Variants in GRM7 observed in about 807,000 individuals in gnomAD.
GRM7 encodes the protein glutamate metabotropic receptor 7.
GRM7 carries 35 observed loss-of-function variants against 84.5 expected under a neutral mutation model. That is an observed-to-expected ratio of 0.41 (90% CI 0.32 to 0.55). The LOEUF (loss-of-function observed/expected upper bound fraction) is 0.55. Ranked by LOEUF, GRM7 falls within the 20% of genes least tolerant of loss-of-function variation. The pLI is 0.19. For synonymous variants in GRM7, 487 were observed against 455.1 expected (o/e 1.07, Z -0.89); for missense variants, 1,003 against 1,194.6 (o/e 0.84, Z 2.36).
rs1468675439 is a variant in GRM7, at chr3:7,740,716, G to A, written c.*310G>A. On this transcript the variant is annotated 3_prime_UTR_variant, in exon 10 of 10. Transcript: ENST00000357716. ...TTAGAATGGACCACTGAGAGCCACA[G>A]GACCGTTTTGGGGCTGACCTGTCTT... The A allele has an allele frequency of 3.8e-5, 10 of 260,968 alleles. No individual in the cohort carries two copies. Among genetic ancestry groups the A allele is most frequent in the East Asian group, 7.2e-5 (1 of 13,876 alleles). The allele number at this position is 260,968 out of a possible 1,614,324, so 16.2% of individuals were successfully genotyped here.
chr3:7,576,058 A>G (rs968554815), intron 7 of GRM7, among the ~76,000 whole-genome samples: 2 of 152,168 alleles, frequency 1.3e-5, no homozygotes, highest in Non-Finnish European at 2.9e-5. Flanking sequence ...AATCAAGCGA[A>G]TGTATTTATT....
intron 4 of GRM7, among the ~76,000 whole-genome samples, chr3:7,403,590 A>T (rs1311777180): frequency 2.1e-5 from 3 of 145,804 alleles, no homozygotes; most frequent in Admixed American, 7.0e-5. Flanking sequence ...GTTTCCAAAG[A>T]CGTGAACATG....
In GRM7 at chr3:7,250,479, A is replaced by G. The variant is rs552494312; in HGVS notation, c.737-48205A>G. Among the ~76,000 whole-genome samples, 15 of 151,638 alleles carry G rather than the reference A, an allele frequency of 9.9e-5. No individual in the cohort carries two copies. The South Asian group carries it at 2.1e-3, about 21-fold the overall frequency. ...TATATATATGTGTGTGCCTATACAC[A>G]TATATATTTTTATTTTTATTTATAT... On this transcript the variant is annotated intron_variant, in intron 2 of 9. Transcript: ENST00000357716.
intron 2 of GRM7, among the ~76,000 whole-genome samples, chr3:7,222,366 C>A (rs185417345): frequency 1.1e-4 from 17 of 151,906 alleles, no homozygotes; most frequent in African/African-American, 3.6e-4. Context: ...CAACCCCCAC[C>A]GCGAACTGAC....
rs1449055683 is a variant in GRM7 at position 7,486,232 on chromosome 3, CTTGTT to C, written c.1515+24513_1515+24517del. The stretch of plus-strand genomic sequence containing the variant: ...AATTTTTTGGTTCCTTCTATTTCCC[CTTGTT>C]TTATTTGTATTTAAGTGTTTTTGCT... On this transcript the variant is annotated intron_variant, in intron 7 of 9. Coordinates refer to ENST00000357716, the MANE Select transcript of GRM7 (RefSeq NM_000844.4). This position sits in a 1 kb window ranked among gnomAD's most constrained non-coding sequence, Gnocchi z 5.5. Among the ~76,000 whole-genome samples, 1 of 152,064 alleles carries C rather than the reference CTTGTT, an allele frequency of 6.6e-6. No homozygotes were observed. The highest frequency in any genetic ancestry group is 1.9e-4 in the East Asian group (1 of 5,196).
chr3:7,640,196 A>G (rs972363558), intron 8 of GRM7, among the ~76,000 whole-genome samples: 4 of 152,162 alleles, frequency 2.6e-5, no homozygotes, highest in African/African-American at 9.7e-5. Context: ...CAAATGATCA[A>G]TTTCATTCTT....
chr3:7,470,835 C>T (rs552062291), intron 7 of GRM7, among the ~76,000 whole-genome samples: 211 of 152,128 alleles, frequency 1.4e-3, no homozygotes, highest in Admixed American at 5.8e-3. Context: ...AACTAATGTA[C>T]GATCTGCCTA....
intron 9 of GRM7, among the ~76,000 whole-genome samples, chr3:7,735,427 C>T (rs1702470888): frequency 1.2e-5 from 1 of 83,292 alleles, no homozygotes; most frequent in South Asian, 2.9e-4. Context: ...GAGTTGAAAA[C>T]AAGCAGCCTA....
chr3:7,469,445 G>T (rs1263661380), intron 7 of GRM7, among the ~76,000 whole-genome samples: 1 of 152,196 alleles, frequency 6.6e-6, no homozygotes, highest in Non-Finnish European at 1.5e-5. Context: ...ACACCTACCA[G>T]TGGCTATTTG....
At chr3:7,736,629 G>A (rs1264688513) in intron 9 of GRM7, among the ~76,000 whole-genome samples, 2 of 152,124 alleles carry the variant, frequency 1.3e-5, no homozygotes, top group African/African-American at 4.8e-5. Flanking sequence ...CACATCCCAA[G>A]TTCAGGATAG....
intron 7 of GRM7, among the ~76,000 whole-genome samples, chr3:7,543,191 A>T (rs1692978622): frequency 6.6e-6 from 1 of 152,200 alleles, no homozygotes; most frequent in African/African-American, 2.4e-5. Flanking sequence ...TTAATAGGAG[A>T]CAGCACTAAA....
chr3:7,603,156 C>A (rs1157639979), intron 8 of GRM7, among the ~76,000 whole-genome samples: 1 of 152,120 alleles, frequency 6.6e-6, no homozygotes, highest in African/African-American at 2.4e-5. Flanking sequence ...GCCCTTCGAT[C>A]AAACTTGCCT....
intron 1 of GRM7, among the ~76,000 whole-genome samples, chr3:6,922,673 A>G (rs1037491742): frequency 1.3e-5 from 2 of 152,210 alleles, no homozygotes; most frequent in African/African-American, 4.8e-5. Context: ...AGATTAGAGG[A>G]AGCTAAGTTA....
chr3:7,394,456 T>C (rs1356656047), intron 4 of GRM7, among the ~76,000 whole-genome samples: 1 of 152,178 alleles, frequency 6.6e-6, no homozygotes, highest in East Asian at 1.9e-4. Context: ...AAGAGAAACT[T>C]CATGTCACCT....
At chr3:7,256,090 CT>C in intron 2 of GRM7, among the ~76,000 whole-genome samples, 1 of 152,178 alleles carries the variant, frequency 6.6e-6, no homozygotes. Context: ...ACATACCACA[CT>C]TTCCCCCTTC....
At chr3:7,062,569 C>T (rs1457139046) in intron 1 of GRM7, among the ~76,000 whole-genome samples, 3 of 151,718 alleles carry the variant, frequency 2.0e-5, no homozygotes, top group African/African-American at 7.2e-5. Flanking sequence ...AGGGAGTTTG[C>T]CATTTTGAAA....
chr3:7,469,018 G>C (rs1424187307), intron 7 of GRM7, among the ~76,000 whole-genome samples: 1 of 152,152 alleles, frequency 6.6e-6, no homozygotes, highest in Non-Finnish European at 1.5e-5. Context: ...GCATTTAGCT[G>C]GGTTATTTTT....
intron 7 of GRM7, among the ~76,000 whole-genome samples, chr3:7,519,556 GA>G (rs1700515354): frequency 6.6e-6 from 1 of 152,118 alleles, no homozygotes; most frequent in South Asian, 2.1e-4. Context: ...TGGAGTTAAA[GA>G]GGTCATAGAT....
intron 2 of GRM7, among the ~76,000 whole-genome samples, chr3:7,187,319 T>C (rs1350529763): frequency 1.3e-5 from 2 of 152,206 alleles, no homozygotes; most frequent in South Asian, 2.1e-4. Flanking sequence ...TGCTTCCCAT[T>C]CCATGCTCAG....
Sources: gnomAD v4.1 joint callset for allele counts (sites outside exome capture counted in the v4.1 genomes callset) on GRCh38, gnomAD v4.1.1 for gene constraint, Gnocchi (gnomAD v3.1) non-coding constraint, MANE v1.5 for transcripts, NCBI Gene and HGNC (gene_info 2026-07-23, HGNC 2026-07-21) for gene names.